EPB41: variants seen among roughly 807,000 people sequenced by gnomAD.
The protein encoded by EPB41 is protein 4.1.
A neutral mutation model predicts 108.0 loss-of-function variants in EPB41; 65 were observed. The observed-to-expected ratio is 0.60, with a 90% CI of 0.49 to 0.74. The LOEUF (loss-of-function observed/expected upper bound fraction) is 0.74. Ranked by LOEUF, EPB41 falls within the 30% of genes least tolerant of loss-of-function variation. EPB41 has a pLI of 0.00. For synonymous variants in EPB41, 336 were observed against 358.9 expected, an observed-to-expected ratio of 0.94 and a Z score of 0.72; for missense variants, 875 against 1,037.0, an observed-to-expected ratio of 0.84 and a Z score of 2.15.
At chr1:28,979,642 CT>C (rs1414456141) in intron 1 of EPB41, among the ~76,000 whole-genome samples, 1 of 145,390 alleles carries the variant, frequency 6.9e-6, no homozygotes, top group African/African-American at 2.7e-5. Context: ...ATATTTACCA[CT>C]AAATCTAATA....
At chr1:28,906,070 C>T (rs539334367) in intron 1 of EPB41, among the ~76,000 whole-genome samples, 14 of 152,216 alleles carry the variant, frequency 9.2e-5, no homozygotes, top group East Asian at 3.9e-4. Flanking sequence ...CCACCTCCCT[C>T]GGCCTCCCAA....
At chr1:29,106,661 C>T (rs1244817838) in intron 17 of EPB41, among the ~76,000 whole-genome samples, 2 of 147,320 alleles carry the variant, frequency 1.4e-5, no homozygotes, top group Admixed American at 6.9e-5. Context: ...GCAACCTCCA[C>T]CTCCTAGGTT....
chr1:29,035,187 G>A (rs1639002547), intron 9 of EPB41, among the ~76,000 whole-genome samples: 1 of 151,968 alleles, frequency 6.6e-6, no homozygotes, highest in African/African-American at 2.4e-5. Context: ...GTTTCACCAT[G>A]TTGGTCAGGC....
chr1:28,968,745 C>G (rs962435185), intron 1 of EPB41, among the ~76,000 whole-genome samples: 2 of 152,070 alleles, frequency 1.3e-5, no homozygotes, highest in African/African-American at 4.8e-5. Context: ...GGGTGGATCA[C>G]CTGACGCCAG....
intron 7 of EPB41, among the ~76,000 whole-genome samples, chr1:29,028,374 A>G (rs1558072998): frequency 6.6e-6 from 1 of 152,008 alleles, no homozygotes; most frequent in Non-Finnish European, 1.5e-5. Context: ...CTGGACTATC[A>G]GAAAGCTAAG....
At chr1:28,979,656 G>A (rs930639258) in intron 1 of EPB41, among the ~76,000 whole-genome samples, 1 of 145,176 alleles carries the variant, frequency 6.9e-6, no homozygotes, top group Non-Finnish European at 1.5e-5. Flanking sequence ...ATCTAATATA[G>A]CAAAACTAGC....
intron 1 of EPB41, among the ~76,000 whole-genome samples, chr1:28,907,404 C>T (rs868496568): frequency 1.3e-5 from 2 of 151,804 alleles, no homozygotes; most frequent in African/African-American, 4.8e-5. Flanking sequence ...CTCACCGTTA[C>T]CCAGGCTGGT....
At chr1:28,994,095 GA>G (rs2096096067) in intron 3 of EPB41, among the ~76,000 whole-genome samples, 1 of 152,172 alleles carries the variant, frequency 6.6e-6, no homozygotes, top group Non-Finnish European at 1.5e-5. Context: ...ATAAGTGATT[GA>G]ATCAGGATTG....
At chr1:29,051,794 A>C (rs1023187440) in intron 11 of EPB41, among the ~76,000 whole-genome samples, 10 of 151,858 alleles carry the variant, frequency 6.6e-5, no homozygotes, top group Non-Finnish European at 1.5e-4. Flanking sequence ...GCTACTGGGG[A>C]GGCTGAGGCA....
chr1:29,000,319 C>T (rs1302634924), intron 4 of EPB41, among the ~76,000 whole-genome samples: 2 of 152,090 alleles, frequency 1.3e-5, no homozygotes, highest in Non-Finnish European at 2.9e-5. Flanking sequence ...AGGCTGGTCT[C>T]GAACTCCTGA....
intron 1 of EPB41, among the ~76,000 whole-genome samples, chr1:28,930,056 C>T (rs2148510717): frequency 6.6e-6 from 1 of 151,438 alleles, no homozygotes; most frequent in East Asian, 1.9e-4. Context: ...ACCCTGCAAC[C>T]CCAGTCCTAG....
At chr1:28,912,421 A>G (rs2092304105), upstream of EPB41, among the ~76,000 whole-genome samples, 1 of 152,038 alleles carries the variant, frequency 6.6e-6, no homozygotes, top group Admixed American at 6.6e-5. Context: ...CAAATGGACA[A>G]TTTACATAAC....
rs907767732 is a variant in EPB41, at chr1:29,052,993, A to G, written c.1637-111A>G. ...CCCTCTGTGTGATAGCCCACTACAC[A>G]CTCTAACATTCGTGTGTATCCTGGA... is the stretch of plus-strand genomic sequence containing the variant. On this transcript the variant is annotated intron_variant, in intron 11 of 20. Transcript: ENST00000343067. The G allele has an allele frequency of 7.7e-6, 9 of 1,172,834 alleles. No individual in the cohort carries two copies. The Admixed American group carries it at 7.9e-5, about 10-fold the overall frequency. 72.7% of individuals were successfully genotyped at this position (1,172,834 alleles called of 1,614,324 possible).
intron 1 of EPB41, among the ~76,000 whole-genome samples, chr1:28,946,137 C>A (rs2094479338): frequency 6.8e-6 from 1 of 147,860 alleles, no homozygotes. Context: ...ATGTTTATTC[C>A]TTTTTACTAA....
intron 16 of EPB41, chr1:29,096,553 T>C: frequency 1.0e-6 from 1 of 985,778 alleles, no homozygotes; most frequent in South Asian, 4.7e-5. Context: ...ATGGATCATT[T>C]CTTGACTTTC....
intron 17 of EPB41, among the ~76,000 whole-genome samples, chr1:29,104,289 T>C (rs1666407787): frequency 6.6e-6 from 1 of 152,276 alleles, no homozygotes; most frequent in African/African-American, 2.4e-5. Flanking sequence ...TCTTGCTGGA[T>C]AAGTAAGCCG....
intron 17 of EPB41, among the ~76,000 whole-genome samples, chr1:29,101,607 G>C (rs1665431374): frequency 6.6e-6 from 1 of 152,140 alleles, no homozygotes; most frequent in Non-Finnish European, 1.5e-5. Context: ...GGTGGAGGTT[G>C]CAGTGAGCCG....
rs555878912 is a variant in EPB41 at position 29,015,323 on chromosome 1, C to G, written c.830-369C>G. ...CTGTAATCCCAGCACTTTGGGAGGCCGAGGCGGGTGGATCGCCTGAGGTTG... is the reference window on the plus strand; with the variant it reads ...CTGTAATCCCAGCACTTTGGGAGGCGGAGGCGGGTGGATCGCCTGAGGTTG... On this transcript the variant is annotated intron_variant, in intron 5 of 20. Transcript: ENST00000343067. Among the ~76,000 whole-genome samples, 9 of 151,668 alleles carry G rather than the reference C, an allele frequency of 5.9e-5. No homozygotes were observed. In the South Asian group the frequency reaches 1.9e-3, roughly 32 times the overall value.
intron 14 of EPB41, 145 bp downstream of exon 14, chr1:29,058,997 A>G: frequency 1.2e-6 from 1 of 821,978 alleles, no homozygotes. Flanking sequence ...GATATGGGCC[A>G]GGAGCATTGG....
Sources: allele counts gnomAD v4.1 joint callset (sites outside exome capture counted in the v4.1 genomes callset), GRCh38; gene constraint gnomAD v4.1.1; transcripts MANE v1.5; gene names NCBI Gene and HGNC (gene_info 2026-07-23, HGNC 2026-07-21).